SEMA3G: variants seen among roughly 807,000 people sequenced by gnomAD.
SEMA3G encodes semaphorin 3G, also known as semaphorin-3G.
In SEMA3G, 70 loss-of-function variants were observed where a neutral mutation model predicts 86.2. The ratio of observed to expected loss-of-function variants is 0.81; its 90% CI spans 0.67 to 0.99. The LOEUF is 0.99. Among genes scored for constraint, SEMA3G ranks in the 50% least tolerant of loss-of-function variants. The pLI is 0.00. For synonymous variants in SEMA3G, 416 were observed against 441.4 expected, an observed-to-expected ratio of 0.94 and a Z score of 0.72; for missense variants, 1,002 against 1,072.4, an observed-to-expected ratio of 0.93 and a Z score of 0.92.
In SEMA3G at chr3:52,433,708, G is replaced by A. The variant is rs1043911578; in HGVS notation, c.*1895C>T. 1.3e-5 allele frequency: 2 copies of A among 152,622 alleles called. No individual in the cohort carries two copies. The highest frequency in any genetic ancestry group is 2.9e-5 in the Non-Finnish European group (2 of 68,058). 9.5% of individuals were successfully genotyped at this position (152,622 alleles called of 1,614,324 possible). On this transcript the variant is annotated 3_prime_UTR_variant, in exon 16 of 16. Coordinates refer to ENST00000231721, the MANE Select transcript of SEMA3G (RefSeq NM_020163.3). ...AGAGTCCAGCGTAAAGGCCCGGAGGGCTGTTTGTGTCTTTCTGGCCTCCCT... is the reference window on the plus strand; with the variant it reads ...AGAGTCCAGCGTAAAGGCCCGGAGGACTGTTTGTGTCTTTCTGGCCTCCCT...
chr3:52,435,750 G>T lies in SEMA3G; in HGVS notation c.2202C>A (p.Thr734=). ...TCCGGAAGCAGCCTGAGCATTCCGT[G>T]GTGCCCCTGCACCACACGCGCTCAC... ...EYCERVWCRG[T]TECSGCFRSR... is the part of the protein sequence containing the mutation. Residue 734 remains threonine (T), a synonymous_variant, in exon 16 of 16, where the codon ACC becomes ACA. Transcript: ENST00000231721. 1 of 1,614,086 alleles carries T rather than the reference G, an allele frequency of 6.2e-7. No homozygotes were observed. The highest frequency in any genetic ancestry group is 2.2e-5 in the East Asian group (1 of 44,868).
chr3:52,441,520 C>T, intron 6 of SEMA3G, 54 bp downstream of exon 6: 1 of 1,586,726 alleles, frequency 6.3e-7, no homozygotes, highest in Middle Eastern at 1.7e-4. Flanking sequence ...AGGCTGGTGT[C>T]CTAGCTGGGA....
At chr3:52,436,194 C>T (rs1304104761) in intron 15 of SEMA3G, 121 bp from the exon 16 acceptor site, 5 of 1,444,296 alleles carry the variant, frequency 3.5e-6, no homozygotes, top group Non-Finnish European at 4.5e-6. Context: ...GCCCTATTCT[C>T]CCCTTCCCAG....
chr3:52,433,580 C>A lies in SEMA3G; in HGVS notation c.*2023G>T, dbSNP rs986187701. The A allele has an allele frequency of 6.6e-6, 1 of 152,666 alleles. No homozygotes were observed. Among genetic ancestry groups the A allele is most frequent in the African/African-American group, 2.4e-5 (1 of 41,450 alleles). The allele number at this position is 152,666 out of a possible 1,614,324, so 9.5% of individuals were successfully genotyped here. A position where few individuals can be genotyped will look rare whatever the true frequency, so the allele number is the denominator to read the frequency against. On this transcript the variant is annotated 3_prime_UTR_variant, in exon 16 of 16. Coordinates refer to ENST00000231721, the MANE Select transcript of SEMA3G (RefSeq NM_020163.3). ...GGGTGTGGTTGGCAGAAGCTGTCCA[C>A]TTTTTCTAAGTGCAGGTGTTCGTTG...
chr3:52,434,027 G>A lies in SEMA3G; in HGVS notation c.*1576C>T, dbSNP rs1395100709. On this transcript the variant is annotated 3_prime_UTR_variant, in exon 16 of 16. Transcript: ENST00000231721. This position sits in a 1 kb window ranked among gnomAD's most constrained non-coding sequence, Gnocchi z 5.2. Reference sequence around the variant, plus strand: ...TCCCAGTTCTCTGGAGGTGCCAGGGGTAAGGGAAAGATAAAACCCAAGGCA... The same window carrying A: ...TCCCAGTTCTCTGGAGGTGCCAGGGATAAGGGAAAGATAAAACCCAAGGCA... 1 of 152,156 alleles carries A rather than the reference G, an allele frequency of 6.6e-6. No homozygotes were observed. The highest frequency in any genetic ancestry group is 6.5e-5 in the Admixed American group (1 of 15,272). The allele number at this position is 152,156 out of a possible 1,614,324, so 9.4% of individuals were successfully genotyped here.
chr3:52,437,900 C>T (rs1285380247), intron 14 of SEMA3G, 71 bp downstream of exon 14: 12 of 1,392,010 alleles, frequency 8.6e-6, no homozygotes, highest in South Asian at 1.2e-5. Flanking sequence ...GAATGCACTT[C>T]GCAGGGGTGG....
chr3:52,443,043 T>C (rs1305485180), intron 1 of SEMA3G, 136 bp from the exon 2 acceptor site: 1 of 1,537,304 alleles, frequency 6.5e-7, no homozygotes, highest in Admixed American at 2.0e-5. Context: ...ATCCACATGG[T>C]GCTGGAAGGC....
In SEMA3G at chr3:52,441,315, G is replaced by T; in HGVS notation, c.762C>A (p.Pro254=). The T allele has an allele frequency of 6.2e-7, 1 of 1,613,740 alleles. No homozygotes were observed. Among genetic ancestry groups the T allele is most frequent in the Non-Finnish European group, 8.5e-7 (1 of 1,180,044 alleles). The change falls in exon 7 of 16, where the codon CCC becomes CCA. Residue 254 remains proline, a synonymous_variant. Transcript: ENST00000231721. ...CAGTGACATGGTTCGAGCCACCATC[G>T]GGCGAGGGGACCGTCTCCGAGAAGA... ...YFFFSETVPS[P]DGGSNHVTVS... is the part of the protein sequence containing the mutation.
intron 1 of SEMA3G, 132 bp from the exon 2 acceptor site, chr3:52,443,039 A>G (rs1706190336): frequency 6.5e-7 from 1 of 1,534,842 alleles, no homozygotes; most frequent in South Asian, 1.2e-5. Context: ...TTCCATCCAC[A>G]TGGTGCTGGA....
Position 52,442,843 on chromosome 3 carries a change from G to A in SEMA3G, c.180C>T (p.Ala60=). 1.9e-6 allele frequency: 3 copies of A among 1,612,240 alleles called. No individual in the cohort carries two copies. Among genetic ancestry groups the A allele is most frequent in the Non-Finnish European group, 2.5e-6 (3 of 1,179,234 alleles). Residue 60 remains alanine (A), a synonymous_variant, in exon 2 of 16, where the codon GCC becomes GCT. Coordinates refer to ENST00000231721, the MANE Select transcript of SEMA3G (RefSeq NM_020163.3). This position sits in a 1 kb window ranked among gnomAD's most constrained non-coding sequence, Gnocchi z 6.1. ...GGTCTCGGTACTCATCTAGGTACAT[G>A]GCCTGGAGGTTCAGGGAGCCCTGGG... ...LGPQGSLNLQ[A]MYLDEYRDRL...
chr3:52,441,490 G>C, intron 6 of SEMA3G, 81 bp from the exon 7 acceptor site: 1 of 1,585,142 alleles, frequency 6.3e-7, no homozygotes, highest in Non-Finnish European at 8.6e-7. Flanking sequence ...GAGAGGAATG[G>C]GGCAGGGGAC....
rs778452153 is a variant in SEMA3G, at chr3:52,437,529, G to T, written c.1876C>A (p.Gln626Lys). The T allele has an allele frequency of 6.2e-7, 1 of 1,612,158 alleles. No individual in the cohort carries two copies. The highest frequency in any genetic ancestry group is 1.1e-5 in the South Asian group (1 of 91,008). ...LQRPGDEGPD[Q>K]VKTDERVLHT... ...GAGGCAGGGGTCTCCTCACTCACCT[G>T]GTCAGGCCCCTCATCCCCTGGCCTC... The change falls in exon 15 of 16, where the codon CAG becomes AAG. Residue 626 changes from glutamine (Q) to lysine (K), a missense_variant and splice_region_variant. Coordinates refer to ENST00000231721, the MANE Select transcript of SEMA3G (RefSeq NM_020163.3).
At chr3:52,444,879 C>T in intron 1 of SEMA3G, 34 bp downstream of exon 1, 2 of 1,295,062 alleles carry the variant, frequency 1.5e-6, no homozygotes, top group South Asian at 2.6e-5. Context: ...AAACAGGGCA[C>T]ATGCACACAA....
At chr3:52,439,337 C>A (rs1193681749) in intron 12 of SEMA3G, among the ~76,000 whole-genome samples, 3 of 152,098 alleles carry the variant, frequency 2.0e-5, no homozygotes, top group African/African-American at 7.2e-5. Flanking sequence ...CATCTAGGGG[C>A]CTTGGGATCT....
intron 10 of SEMA3G, 51 bp from the exon 11 acceptor site, chr3:52,440,149 C>T (rs549659701): frequency 7.1e-7 from 1 of 1,412,324 alleles, no homozygotes; most frequent in African/African-American, 1.4e-5. Flanking sequence ...ACAGCACACA[C>T]CCTCCACCGC....
intron 1 of SEMA3G, among the ~76,000 whole-genome samples, chr3:52,444,328 G>C (rs905247960): frequency 6.6e-6 from 1 of 151,578 alleles, no homozygotes; most frequent in South Asian, 2.1e-4. Context: ...GCCTCCCACC[G>C]CCACCCTGGT....
chr3:52,442,218 G>A lies in SEMA3G; in HGVS notation c.426C>T (p.Thr142=). 6.2e-7 allele frequency: 1 copy of A among 1,613,882 alleles called. No individual in the cohort carries two copies. Among genetic ancestry groups the A allele is most frequent in the Non-Finnish European group, 8.5e-7 (1 of 1,179,910 alleles). Residue 142 remains threonine, a synonymous_variant, in exon 4 of 16, where the codon ACC becomes ACT. Coordinates refer to ENST00000231721, the MANE Select transcript of SEMA3G (RefSeq NM_020163.3). This position sits in a 1 kb window ranked among gnomAD's most constrained non-coding sequence, Gnocchi z 6.1. ...GGTGGCCAACTGTGATGAGGGCACA[G>A]GTGGGCTGGAAGGCCCCAGTGCCAC... ...LACGTGAFQP[T]CALITVGHRG... is the part of the protein sequence containing the mutation.
rs955919367 is a variant in SEMA3G, at chr3:52,442,848, G to T, written c.175C>A (p.Gln59Lys). ...FLGPQGSLNL[Q>K]AMYLDEYRDR... Reference sequence around the variant, plus strand: ...CGGTACTCATCTAGGTACATGGCCTGGAGGTTCAGGGAGCCCTGGGGGCCC... The same window carrying T: ...CGGTACTCATCTAGGTACATGGCCTTGAGGTTCAGGGAGCCCTGGGGGCCC... The change falls in exon 2 of 16, where the codon CAG (glutamine) becomes AAG (lysine). Residue 59 changes from glutamine to lysine, a missense_variant. Transcript: ENST00000231721. The surrounding 1 kb of genome is among the most constrained non-coding windows in gnomAD (Gnocchi z 6.1). The T allele has an allele frequency of 4.3e-6, 7 of 1,611,006 alleles. No individual in the cohort carries two copies. In the East Asian group the frequency reaches 1.6e-4, roughly 36 times the overall value.
At chr3:52,440,199 G>T in intron 10 of SEMA3G, 101 bp from the exon 11 acceptor site, 1 of 1,218,806 alleles carries the variant, frequency 8.2e-7, no homozygotes, top group Non-Finnish European at 1.1e-6. Flanking sequence ...CTCTCTCACT[G>T]CAGGAGGGCT....
Sources: gnomAD v4.1 joint callset for allele counts (sites outside exome capture counted in the v4.1 genomes callset) on GRCh38, gnomAD v4.1.1 for gene constraint, Gnocchi (gnomAD v3.1) non-coding constraint, MANE v1.5 for transcripts, NCBI Gene and HGNC (gene_info 2026-07-23, HGNC 2026-07-21) for gene names.